Variants in NETO1 observed in about 807,000 individuals in gnomAD.
The protein encoded by NETO1 is neuropilin and tolloid like 1.
Under a neutral mutation model 61.3 loss-of-function variants are expected in NETO1, and 26 were observed. The ratio of observed to expected loss-of-function variants is 0.42; its 90% CI spans 0.31 to 0.59. The LOEUF is 0.59. NETO1 is among the 20% of genes least tolerant of loss of function. NETO1 has a pLI of 0.12. For synonymous variants in NETO1, 225 were observed against 225.8 expected, an observed-to-expected ratio of 1.00 and a Z score of 0.03; for missense variants, 531 against 662.8, an observed-to-expected ratio of 0.80 and a Z score of 2.18.
chr18:72,751,161 C>T (rs913800328), intron 8 of NETO1, among the ~76,000 whole-genome samples: 4 of 151,924 alleles, frequency 2.6e-5, no homozygotes, highest in South Asian at 2.1e-4. Context: ...GGAATGATGG[C>T]ATGGACTCTT....
intron 4 of NETO1, among the ~76,000 whole-genome samples, chr18:72,847,441 T>C (rs1444321769): frequency 6.6e-6 from 1 of 152,160 alleles, no homozygotes; most frequent in African/African-American, 2.4e-5. Context: ...ATAGCTCTTT[T>C]GAAGCAAAGG....
intron 4 of NETO1, among the ~76,000 whole-genome samples, chr18:72,857,690 C>T (rs1207484568): frequency 3.3e-5 from 5 of 152,270 alleles, no homozygotes; most frequent in South Asian, 2.1e-4. Context: ...TTTGGGAATA[C>T]TTCAAATTAG....
At position 72,744,819 on chromosome 18, in the gene NETO1, C is replaced by A. The variant is rs576793339; in HGVS notation, c.*3360G>T. 6.6e-6 allele frequency: 1 copy of A among 152,140 alleles called. No homozygotes were observed. The highest frequency in any genetic ancestry group is 1.5e-5 in the Non-Finnish European group (1 of 68,010). 9.4% of individuals were successfully genotyped at this position (152,140 alleles called of 1,614,324 possible). ...CCACTTTAATCAAGGTAATAGGAAC[C>A]AGGGGGTCATATCTTGTAATTTATT... On this transcript the variant is annotated 3_prime_UTR_variant, in exon 11 of 11. Coordinates refer to ENST00000327305, the MANE Select transcript of NETO1 (RefSeq NM_138966.5).
intron 4 of NETO1, among the ~76,000 whole-genome samples, chr18:72,828,007 G>A (rs753573159): frequency 2.6e-5 from 4 of 152,134 alleles, no homozygotes; most frequent in African/African-American, 4.8e-5. Flanking sequence ...ATTAGTCCAC[G>A]TAAGAGCAAT....
At chr18:72,753,062 A>G (rs1021767050) in intron 8 of NETO1, among the ~76,000 whole-genome samples, 1 of 152,146 alleles carries the variant, frequency 6.6e-6, no homozygotes. Context: ...TGGGAGTATA[A>G]GAAACAAAGG....
downstream of NETO1, among the ~76,000 whole-genome samples, chr18:72,742,933 T>C (rs1039938101): frequency 3.9e-5 from 6 of 152,150 alleles, no homozygotes; most frequent in African/African-American, 1.4e-4. Context: ...ATAGTAGAAG[T>C]AAAAAAGCCA....
At chr18:72,842,016 A>G (rs1718256340) in intron 4 of NETO1, among the ~76,000 whole-genome samples, 1 of 152,050 alleles carries the variant, frequency 6.6e-6, no homozygotes, top group Admixed American at 6.6e-5. Context: ...TTTTCCACTT[A>G]GTAAAACAAA....
At chr18:72,800,758 C>G (rs141201832) in intron 4 of NETO1, among the ~76,000 whole-genome samples, 2 of 152,212 alleles carry the variant, frequency 1.3e-5, no homozygotes, top group African/African-American at 4.8e-5. Context: ...GGACCTAGAA[C>G]AGTGCTTGGG....
chr18:72,802,964 G>C (rs1216352771), intron 4 of NETO1, among the ~76,000 whole-genome samples: 1 of 152,150 alleles, frequency 6.6e-6, no homozygotes, highest in Non-Finnish European at 1.5e-5. Context: ...TTTTTCTTAA[G>C]AACAAGCACC....
intron 4 of NETO1, among the ~76,000 whole-genome samples, chr18:72,795,449 ATTATC>A (rs2072279693): frequency 6.6e-6 from 1 of 152,190 alleles, no homozygotes; most frequent in South Asian, 2.1e-4. Flanking sequence ...GAGACATTGT[ATTATC>A]TTATTTGATG....
chr18:72,839,900 C>T (rs180801402), intron 4 of NETO1, among the ~76,000 whole-genome samples: 3 of 152,276 alleles, frequency 2.0e-5, no homozygotes, highest in Non-Finnish European at 4.4e-5. Flanking sequence ...GACTTTTTAT[C>T]CATTGCTTCC....
At chr18:72,764,541 T>C (rs2071087511) in intron 7 of NETO1, among the ~76,000 whole-genome samples, 1 of 152,082 alleles carries the variant, frequency 6.6e-6, no homozygotes, top group Non-Finnish European at 1.5e-5. Context: ...CCTTATTTCC[T>C]CTGTCCTCTC....
chr18:72,835,627 G>A (rs17086414), intron 4 of NETO1, among the ~76,000 whole-genome samples: 14,666 of 152,196 alleles, frequency 0.096, 841 homozygotes, highest in African/African-American at 0.16. Flanking sequence ...ATTGTTTGGT[G>A]AGCCCGAAGT....
rs373850059 is a variant in NETO1 at position 72,753,630 on chromosome 18, C to A, written c.982+2404G>T. Among the ~76,000 whole-genome samples, 17 of 152,240 alleles carry A rather than the reference C, an allele frequency of 1.1e-4. No individual in the cohort carries two copies. The South Asian group carries it at 3.3e-3, about 30-fold the overall frequency. On this transcript the variant is annotated intron_variant, in intron 8 of 10. Transcript: ENST00000327305. ...ACAGATACTAAATTAAACAGGGAAG[C>A]AAGTAAGGTCTGTAACAGTGAATAT...
intron 4 of NETO1, among the ~76,000 whole-genome samples, chr18:72,835,478 C>T (rs2073716094): frequency 6.6e-6 from 1 of 152,122 alleles, no homozygotes; most frequent in Non-Finnish European, 1.5e-5. Flanking sequence ...ATTCTAGTAA[C>T]TCAGGTATGA....
intron 7 of NETO1, among the ~76,000 whole-genome samples, chr18:72,777,954 G>T (rs763393536): frequency 9.9e-5 from 15 of 152,034 alleles, no homozygotes; most frequent in Non-Finnish European, 1.8e-4. Context: ...TCTGCAGTGC[G>T]CCCCCTTGCA....
intron 7 of NETO1, among the ~76,000 whole-genome samples, chr18:72,769,752 G>T (rs780516743): frequency 6.6e-6 from 1 of 151,960 alleles, no homozygotes; most frequent in Non-Finnish European, 1.5e-5. Context: ...ACACGTGTTC[G>T]CTACTTGCTT....
chr18:72,865,259 A>T lies in NETO1; in HGVS notation c.29-18T>A. 1 of 1,586,114 alleles carries T rather than the reference A, an allele frequency of 6.3e-7. No homozygotes were observed. Among genetic ancestry groups the T allele is most frequent in the Non-Finnish European group, 8.6e-7 (1 of 1,156,788 alleles). ...TGCTACAACTGAAACAGAAAAGAAA[A>T]ATTAGAGATAAAATACACTGAAATG... On this transcript the variant is annotated intron_variant, in intron 1 of 10. Transcript: ENST00000327305.
intron 7 of NETO1, among the ~76,000 whole-genome samples, chr18:72,770,665 A>G (rs530478308): frequency 3.9e-5 from 6 of 152,284 alleles, no homozygotes; most frequent in Admixed American, 6.5e-5. Context: ...TAAGACTTCA[A>G]TTTACACTTT....
Sources: gnomAD v4.1 joint callset for allele counts (sites outside exome capture counted in the v4.1 genomes callset) on GRCh38, gnomAD v4.1.1 for gene constraint, MANE v1.5 for transcripts, NCBI Gene and HGNC (gene_info 2026-07-23, HGNC 2026-07-21) for gene names.